Variants in BANF2 observed in about 807,000 individuals in gnomAD.
BANF2 encodes barrier-to-autointegration factor-like protein.
BANF2 carries 4 observed loss-of-function variants against 8.0 expected under a neutral mutation model. The ratio of observed to expected loss-of-function variants is 0.50; its 90% CI spans 0.25 to 1.14. The LOEUF (loss-of-function observed/expected upper bound fraction) is 1.14, where lower values mean the gene tolerates loss of function less well. Among genes scored for constraint, BANF2 ranks in the 50% most tolerant of loss-of-function variants. The probability of loss-of-function intolerance (pLI) is 0.16; values close to 1 mark genes in which losing one functional copy is unlikely to be tolerated. For synonymous variants in BANF2, 50 were observed against 40.6 expected (o/e 1.23, Z -0.88); for missense variants, 96 against 107.5 (o/e 0.89, Z 0.47).
intron 1 of BANF2, among the ~76,000 whole-genome samples, chr20:17,710,401 T>G (rs2037551527): frequency 6.6e-6 from 1 of 152,194 alleles, no homozygotes; most frequent in African/African-American, 2.4e-5. Flanking sequence ...GCCTCCATTT[T>G]CACATCTCTT....
intron 2 of BANF2, among the ~76,000 whole-genome samples, chr20:17,724,703 A>G (rs1472985567): frequency 6.6e-6 from 1 of 152,244 alleles, no homozygotes; most frequent in Non-Finnish European, 1.5e-5. Flanking sequence ...TGCTTTAGGC[A>G]TTTAGAATGG....
chr20:17,725,722 G>T (rs2037799205), intron 3 of BANF2, among the ~76,000 whole-genome samples: 1 of 152,242 alleles, frequency 6.6e-6, no homozygotes, highest in Admixed American at 6.5e-5. Context: ...GGCCTCAGGA[G>T]AGGATGAGAC....
intron 1 of BANF2, among the ~76,000 whole-genome samples, chr20:17,711,548 G>A (rs926852815): frequency 7.2e-5 from 11 of 152,188 alleles, no homozygotes; most frequent in Admixed American, 6.5e-4. Flanking sequence ...GGAGCTGAGA[G>A]GTGTGCACCA....
At chr20:17,699,896 C>G (rs1178425339), upstream of BANF2, 2 of 812,090 alleles carry the variant, frequency 2.5e-6, no homozygotes, top group African/African-American at 3.7e-5. Context: ...TTGTGCTCAC[C>G]CCCGACCTGT....
intron 1 of BANF2, among the ~76,000 whole-genome samples, chr20:17,707,970 G>A (rs138301863): frequency 1.5e-4 from 23 of 150,672 alleles, no homozygotes; most frequent in Non-Finnish European, 3.1e-4. Context: ...GGGAGGCCAA[G>A]GCAGATGGAT....
chr20:17,729,169 A>G (rs1413218005), intron 3 of BANF2, among the ~76,000 whole-genome samples: 3 of 152,216 alleles, frequency 2.0e-5, no homozygotes, highest in Admixed American at 6.5e-5. Flanking sequence ...CATGGTGCAC[A>G]TGCCAATGAG....
chr20:17,696,364 G>A (rs115476820), upstream of BANF2, among the ~76,000 whole-genome samples: 4 of 152,052 alleles, frequency 2.6e-5, no homozygotes, highest in African/African-American at 9.6e-5. Flanking sequence ...TAGCTTATAG[G>A]GTAGGTCTTT....
upstream of BANF2, among the ~76,000 whole-genome samples, chr20:17,699,257 C>G (rs888066900): frequency 2.0e-5 from 3 of 152,226 alleles, no homozygotes; most frequent in Non-Finnish European, 4.4e-5. Context: ...GGAATGGAAT[C>G]TCTGGAAACA....
At chr20:17,716,950 G>A (rs2037663962) in intron 1 of BANF2, among the ~76,000 whole-genome samples, 1 of 152,086 alleles carries the variant, frequency 6.6e-6, no homozygotes, top group South Asian at 2.1e-4. Flanking sequence ...CTGGGCTCAA[G>A]TGATAATCCT....
At chr20:17,729,085 T>C (rs1236536996) in intron 3 of BANF2, among the ~76,000 whole-genome samples, 1 of 152,224 alleles carries the variant, frequency 6.6e-6, no homozygotes, top group Non-Finnish European at 1.5e-5. Flanking sequence ...CACTTATTTC[T>C]GCTGGACAGC....
intron 1 of BANF2, among the ~76,000 whole-genome samples, chr20:17,719,897 C>T (rs1295937399): frequency 2.6e-5 from 4 of 152,126 alleles, no homozygotes. Flanking sequence ...CCGCAAAGGC[C>T]CATTTAGCTG....
chr20:17,717,776 C>T (rs1400458339), intron 1 of BANF2, among the ~76,000 whole-genome samples: 1 of 152,180 alleles, frequency 6.6e-6, no homozygotes, highest in Non-Finnish European at 1.5e-5. Flanking sequence ...GATGCAGATT[C>T]CCCTGCCCAA....
At chr20:17,700,988 AG>A (rs2037400241) in intron 1 of BANF2, among the ~76,000 whole-genome samples, 1 of 152,162 alleles carries the variant, frequency 6.6e-6, no homozygotes, top group Admixed American at 6.5e-5. Flanking sequence ...GATTTTAAGA[AG>A]GCTCCTGGCT....
At chr20:17,703,822 A>G (rs1159203621) in intron 1 of BANF2, among the ~76,000 whole-genome samples, 5 of 148,874 alleles carry the variant, frequency 3.4e-5, no homozygotes, top group South Asian at 2.1e-4. Flanking sequence ...GCTCACTGCA[A>G]CCTCCGCCTC....
At chr20:17,721,723 C>G (rs1017928525) in intron 1 of BANF2, among the ~76,000 whole-genome samples, 5 of 152,260 alleles carry the variant, frequency 3.3e-5, no homozygotes, top group Middle Eastern at 3.4e-3. Flanking sequence ...GAATAGGACC[C>G]AAGCAAATTC....
chr20:17,735,684 A>G lies in BANF2; in HGVS notation c.146A>G (p.Gln49Arg), dbSNP rs764537815. The G allele has an allele frequency of 5.6e-6, 9 of 1,613,956 alleles. No individual in the cohort carries two copies. Among genetic ancestry groups the G allele is most frequent in the Non-Finnish European group, 6.8e-6 (8 of 1,179,880 alleles). The part of the protein sequence containing the change: ...GINKAYILLG[Q>R]FLLMHKNEAE... ...CCCCAGGCCTACATCCTGCTGGGAC[A>G]ATTCCTTCTGATGCACAAGAATGAA... Residue 49 changes from glutamine to arginine, a missense_variant, in exon 4 of 4, where the codon CAA (glutamine) becomes CGA (arginine). Gln to Arg is a conservative substitution (Grantham distance 43). Coordinates refer to ENST00000246090, the MANE Select transcript of BANF2 (RefSeq NM_178477.5).
At chr20:17,698,912 C>T (rs929427193), upstream of BANF2, among the ~76,000 whole-genome samples, 11 of 152,198 alleles carry the variant, frequency 7.2e-5, no homozygotes, top group Non-Finnish European at 1.6e-4. Flanking sequence ...CATCAGCTGG[C>T]AATACTATTT....
intron 3 of BANF2, chr20:17,731,079 C>T (rs1219720969): frequency 6.6e-6 from 1 of 152,206 alleles, no homozygotes; most frequent in Non-Finnish European, 1.5e-5. Flanking sequence ...GCCTGGCCAA[C>T]ATGGTGAAAT....
chr20:17,711,268 C>G lies in BANF2; in HGVS notation c.-167+11213C>G, dbSNP rs189362223. ...CCCAGATGGCCTCCCCCGGGGCCCCCCTCCAGGGCCTGTAAAGCCCTCATG... is the reference window on the plus strand; with the variant it reads ...CCCAGATGGCCTCCCCCGGGGCCCCGCTCCAGGGCCTGTAAAGCCCTCATG... On this transcript the variant is annotated intron_variant, in intron 1 of 3. Coordinates refer to ENST00000246090, the MANE Select transcript of BANF2 (RefSeq NM_178477.5). Among the ~76,000 whole-genome samples, 10 of 152,340 alleles carry G rather than the reference C, an allele frequency of 6.6e-5. No homozygotes were observed. The East Asian group carries it at 1.3e-3, about 21-fold the overall frequency.
Sources: gnomAD v4.1 joint callset for allele counts (sites outside exome capture counted in the v4.1 genomes callset) on GRCh38, gnomAD v4.1.1 for gene constraint, MANE v1.5 for transcripts, NCBI Gene and HGNC (gene_info 2026-07-23, HGNC 2026-07-21) for gene names.